The following PEX11G variants were observed in gnomAD, a reference collection of about 807,000 sequenced individuals.
PEX11G encodes the protein peroxisomal membrane protein 11C.
PEX11G carries 20 observed loss-of-function variants against 22.5 expected under a neutral mutation model. That is an observed-to-expected ratio of 0.89 (90% confidence interval 0.62 to 1.29). The LOEUF (loss-of-function observed/expected upper bound fraction) is 1.29. PEX11G is among the 50% of genes most tolerant of loss of function. The probability of loss-of-function intolerance (pLI) is 0.00; values close to 1 mark genes in which losing one functional copy is unlikely to be tolerated. For synonymous variants in PEX11G, 141 were observed against 154.5 expected (o/e 0.91, Z 0.65); for missense variants, 347 against 331.3 (o/e 1.05, Z -0.37).
chr19:7,485,937 C>T lies in PEX11G; in HGVS notation c.150G>A (p.Leu50=), dbSNP rs773589699. The change falls in exon 2 of 5, where the codon TTG becomes TTA. Residue 50 remains leucine, a synonymous_variant. Coordinates refer to ENST00000221480, the MANE Select transcript of PEX11G (RefSeq NM_080662.4). ...PARSEVGTRL[L]VVSTQLSHCR... ...AGTGGCTGAGTTGGGTGGACACCAC[C>T]AACAGACGTGTCCCCACTTCGGACC... 1 of 1,613,570 alleles carries T rather than the reference C, an allele frequency of 6.2e-7. No homozygotes were observed. Among genetic ancestry groups the T allele is most frequent in the East Asian group, 2.2e-5 (1 of 44,848 alleles).
intron 1 of PEX11G, among the ~76,000 whole-genome samples, chr19:7,494,198 C>T (rs917515716): frequency 2.6e-5 from 4 of 152,166 alleles, no homozygotes; most frequent in African/African-American, 4.8e-5. Flanking sequence ...TGAGCCACTG[C>T]GCCCAGCCAC....
upstream of PEX11G, among the ~76,000 whole-genome samples, chr19:7,493,839 C>CAA (rs34297714): frequency 7.8e-6 from 1 of 128,470 alleles, no homozygotes. Context: ...AACCCCGTCT[C>CAA]AAAAAAAAAA....
upstream of PEX11G, among the ~76,000 whole-genome samples, chr19:7,492,705 G>A (rs942538753): frequency 4.6e-5 from 7 of 152,078 alleles, no homozygotes; most frequent in African/African-American, 1.7e-4. Context: ...GCCTCCCAAA[G>A]TGCTGGGATT....
chr19:7,485,715 A>C lies in PEX11G; in HGVS notation c.249+123T>G, dbSNP rs550672785. The C allele has an allele frequency of 4.7e-3, 4,123 of 871,058 alleles. 116 individuals are homozygous for C. In the African/African-American group the frequency reaches 0.064, roughly 14 times the overall value. 54.0% of individuals were successfully genotyped at this position (871,058 alleles called of 1,614,324 possible). On this transcript the variant is annotated intron_variant, in intron 2 of 4. Coordinates refer to ENST00000221480, the MANE Select transcript of PEX11G (RefSeq NM_080662.4). ...CGAACTCCTGACCTCATGATCCGCC[A>C]GCCTTGGCCTCACAAAGTGCTGGGA... is the stretch of plus-strand genomic sequence containing the variant.
upstream of PEX11G, among the ~76,000 whole-genome samples, chr19:7,492,418 A>C (rs991085047): frequency 1.3e-5 from 2 of 151,944 alleles, no homozygotes; most frequent in African/African-American, 4.8e-5. Context: ...ATGACTAATG[A>C]TGTCAACGAG....
At chr19:7,493,200 G>GTC (rs1555736876), upstream of PEX11G, 10 of 151,684 alleles carry the variant, frequency 6.6e-5, no homozygotes, top group Admixed American at 5.9e-4. Context: ...CTCTCTTTCT[G>GTC]TTTTTGTTTT....
chr19:7,494,072 A>G (rs1223921940), intron 1 of PEX11G, among the ~76,000 whole-genome samples: 1 of 151,966 alleles, frequency 6.6e-6, no homozygotes, highest in African/African-American at 2.4e-5. Flanking sequence ...ACGCCCAGCT[A>G]ATTTTTGTAT....
At position 7,486,011 on chromosome 19, in the gene PEX11G, A is replaced by AC. The variant is rs759091232; in HGVS notation, c.75dup (p.Tyr26ValfsTer12). The AC allele has an allele frequency of 1.7e-4, 267 of 1,592,656 alleles. No homozygotes were observed. Among genetic ancestry groups the AC allele is most frequent in the Non-Finnish European group, 2.2e-4 (257 of 1,164,118 alleles). On this transcript the variant is annotated frameshift_variant, in exon 2 of 5. Transcript: ENST00000221480. LOFTEE classifies it high-confidence loss of function. ...ACTCCACCAACCAGCTGGCAGCAGTACCCCAGCACTCGGATCTGTGGGAAA... is the reference window on the plus strand; with the variant it reads ...ACTCCACCAACCAGCTGGCAGCAGTACCCCCAGCACTCGGATCTGTGGGAAA...
At chr19:7,477,461 A>G in intron 4 of PEX11G, 25 bp from the exon 5 acceptor site, 1 of 1,402,340 alleles carries the variant, frequency 7.1e-7, no homozygotes, top group Non-Finnish European at 9.3e-7. Flanking sequence ...GGGGCCGCTT[A>G]CACTCACGCT....
chr19:7,482,002 TGG>T, intron 3 of PEX11G, 29 bp downstream of exon 3: 1 of 1,530,244 alleles, frequency 6.5e-7, no homozygotes, highest in Non-Finnish European at 8.8e-7. Flanking sequence ...CCAGGGACCT[TGG>T]GTGCTCCCTT....
intron 1 of PEX11G, among the ~76,000 whole-genome samples, chr19:7,487,314 T>C (rs1458563906): frequency 6.6e-6 from 1 of 152,200 alleles, no homozygotes; most frequent in African/African-American, 2.4e-5. Context: ...TGGGCACAGG[T>C]GATCAGGCCT....
At chr19:7,493,510 CTT>C (rs1318245943), upstream of PEX11G, among the ~76,000 whole-genome samples, 1 of 148,300 alleles carries the variant, frequency 6.7e-6, no homozygotes, top group Non-Finnish European at 1.5e-5. Flanking sequence ...TTTTTTTCTT[CTT>C]GTTTGTTTTT....
intron 3 of PEX11G, 136 bp from the exon 4 acceptor site, chr19:7,478,512 A>G: frequency 2.3e-6 from 2 of 870,820 alleles, no homozygotes; most frequent in Non-Finnish European, 3.6e-6. Context: ...CTGCCCCCAC[A>G]GTCCCACACC....
Position 7,477,418 on chromosome 19 carries a change from C to T in PEX11G, c.510G>A (p.Lys170=). ...GCATCTGCGCCTCCATGGCCCTCCG[C>T]TTGCCCCGGGGCAGCGGGCTGTGGG... is the stretch of plus-strand genomic sequence containing the variant. The part of the protein sequence containing the change: ...APFTSPLPRG[K]RRAMEAQMQS... Residue 170 remains lysine, a synonymous_variant, in exon 5 of 5, where the codon AAG becomes AAA. Transcript: ENST00000221480. The T allele has an allele frequency of 6.8e-7, 1 of 1,476,550 alleles. No homozygotes were observed. Among genetic ancestry groups the T allele is most frequent in the South Asian group, 1.4e-5 (1 of 71,856 alleles). The allele number at this position is 1,476,550 out of a possible 1,614,324, so 91.5% of individuals were successfully genotyped here. A position where few individuals can be genotyped will look rare whatever the true frequency, so the allele number is the denominator to read the frequency against.
chr19:7,479,821 G>C (rs1977403108), intron 3 of PEX11G, among the ~76,000 whole-genome samples: 1 of 152,218 alleles, frequency 6.6e-6, no homozygotes, highest in African/African-American at 2.4e-5. Flanking sequence ...TACTCACTTG[G>C]GGTGATGATG....
intron 1 of PEX11G, among the ~76,000 whole-genome samples, chr19:7,487,462 C>G (rs1047318233): frequency 1.3e-5 from 2 of 152,184 alleles, no homozygotes; most frequent in African/African-American, 4.8e-5. Flanking sequence ...GAGTCTTGCT[C>G]TGCTCCCCAG....
chr19:7,494,455 C>G (rs1345346260), intron 1 of PEX11G, among the ~76,000 whole-genome samples: 1 of 152,196 alleles, frequency 6.6e-6, no homozygotes, highest in Non-Finnish European at 1.5e-5. Flanking sequence ...AGGTCACTGG[C>G]CGCAAAGCCT....
In PEX11G at chr19:7,478,565, C is replaced by T. The variant is rs547690874; in HGVS notation, c.429-189G>A. 2.4e-4 allele frequency among the ~76,000 whole-genome samples: 37 copies of T among 152,354 alleles called. No individual in the cohort carries two copies. In the East Asian group the frequency reaches 2.5e-3, roughly 10 times the overall value. On this transcript the variant is annotated intron_variant, in intron 3 of 4. Coordinates refer to ENST00000221480, the MANE Select transcript of PEX11G (RefSeq NM_080662.4). The stretch of plus-strand genomic sequence containing the variant: ...TGCTCCCGGGGACTCATCTCTAACA[C>T]GGCCCCGTCCCACCCGGGACATCGT...
At chr19:7,479,377 G>A (rs1054444903) in intron 3 of PEX11G, among the ~76,000 whole-genome samples, 3 of 152,156 alleles carry the variant, frequency 2.0e-5, no homozygotes, top group African/African-American at 4.8e-5. Context: ...CCAGGTACTC[G>A]GGAGGCTGAG....
Sources: allele counts gnomAD v4.1 joint callset (sites outside exome capture counted in the v4.1 genomes callset), GRCh38; gene constraint gnomAD v4.1.1; transcripts MANE v1.5; gene names NCBI Gene and HGNC (gene_info 2026-07-23, HGNC 2026-07-21).